The following ANKRD37 variants were observed in gnomAD, a reference collection of about 807,000 sequenced individuals.
ANKRD37 encodes ankyrin repeat domain-containing protein 37.
ANKRD37 carries 17 observed loss-of-function variants against 19.7 expected under a neutral mutation model. The ratio of observed to expected loss-of-function variants is 0.86; its 90% confidence interval spans 0.59 to 1.29. ANKRD37 has a LOEUF of 1.29. Ranked by LOEUF, ANKRD37 falls within the 50% of genes most tolerant of loss-of-function variation. The pLI, the probability that ANKRD37 is intolerant of heterozygous loss-of-function variation, is 0.00. For synonymous variants in ANKRD37, 79 were observed against 74.5 expected (o/e 1.06, Z -0.31); for missense variants, 207 against 190.4 (o/e 1.09, Z -0.51).
Position 185,399,891 on chromosome 4 carries a change from T to G in ANKRD37, c.476+118T>G. 4 of 1,541,720 alleles carry G rather than the reference T, an allele frequency of 2.6e-6. No individual in the cohort carries two copies. In the South Asian group the frequency reaches 4.9e-5, roughly 19 times the overall value. On this transcript the variant is annotated intron_variant, in intron 4 of 4. Transcript: ENST00000335174. ...TCTAGTAGTATTGTTTCATTCTCATTAACATTTTAGTACTGGTTATACTTA... is the reference window on the plus strand; with the variant it reads ...TCTAGTAGTATTGTTTCATTCTCATGAACATTTTAGTACTGGTTATACTTA...
intron 1 of ANKRD37, 85 bp downstream of exon 1, chr4:185,397,035 C>CCACT: frequency 6.2e-7 from 1 of 1,609,258 alleles, no homozygotes; most frequent in Non-Finnish European, 8.5e-7. Flanking sequence ...CGGGGACGGA[C>CCACT]CACTGGGCGC....
In ANKRD37 at chr4:185,398,963, C is replaced by CA. The variant is rs745965977; in HGVS notation, c.209dup (p.Ala71GlyfsTer17). Reference sequence around the variant, plus strand: ...ATGTTTTAGGAGAAGCTCCACTACACAAGGCAGCAAAAGTTGGAAGCCTGG... The same window carrying CA: ...ATGTTTTAGGAGAAGCTCCACTACACAAAGGCAGCAAAAGTTGGAAGCCTGG... On this transcript the variant is annotated frameshift_variant, in exon 3 of 5. Coordinates refer to ENST00000335174, the MANE Select transcript of ANKRD37 (RefSeq NM_181726.4). LOFTEE classifies it high-confidence loss of function. 4 of 1,613,724 alleles carry CA rather than the reference C, an allele frequency of 2.5e-6. No homozygotes were observed. The African/African-American group carries it at 5.3e-5, about 22-fold the overall frequency.
At chr4:185,400,549 C>CAGGCTCTGTCAGCAGGACCTTGGAATA, downstream of ANKRD37, 1 of 1,122,750 alleles carries the variant, frequency 8.9e-7, no homozygotes, top group Non-Finnish European at 1.3e-6. Context: ...ATCGTGACAT[C>CAGGCTCTGTCAGCAGGACCTTGGAATA]AGGCTCTGTC....
chr4:185,398,812 A>AT, intron 2 of ANKRD37, 125 bp from the exon 3 acceptor site: 1 of 520,724 alleles, frequency 1.9e-6, no homozygotes, highest in Non-Finnish European at 3.1e-6. Context: ...AAAAAAAAAA[A>AT]AATTCCCTGT....
intron 4 of ANKRD37, 103 bp from the exon 5 acceptor site, chr4:185,399,914 T>TTG: frequency 1.3e-6 from 2 of 1,541,234 alleles, no homozygotes; most frequent in East Asian, 4.7e-5. Context: ...CTGGTTATAC[T>TTG]TACCAGAGTC....
intron 1 of ANKRD37, 80 bp from the exon 2 acceptor site, chr4:185,397,070 G>C (rs1358904147): frequency 1.2e-6 from 2 of 1,609,820 alleles, no homozygotes; most frequent in East Asian, 2.2e-5. Context: ...TGGTTGTGAA[G>C]GGCGGGGAGG....
In ANKRD37 at chr4:185,400,143, C is replaced by G; in HGVS notation, c.*126C>G. ...CTGAGAAGGACGAAAAACTTTCTTCCAAGTGAAGATCCATTTAAGAACACA... is the reference window on the plus strand; with the variant it reads ...CTGAGAAGGACGAAAAACTTTCTTCGAAGTGAAGATCCATTTAAGAACACA... On this transcript the variant is annotated 3_prime_UTR_variant, in exon 5 of 5. Transcript: ENST00000335174. 4 of 907,272 alleles carry G rather than the reference C, an allele frequency of 4.4e-6. No individual in the cohort carries two copies. The highest frequency in any genetic ancestry group is 6.7e-6 in the Non-Finnish European group (4 of 594,094). 56.2% of individuals were successfully genotyped at this position (907,272 alleles called of 1,614,324 possible).
At chr4:185,396,995 C>G (rs779818036) in intron 1 of ANKRD37, 45 bp downstream of exon 1, 4 of 1,612,554 alleles carry the variant, frequency 2.5e-6, no homozygotes, top group South Asian at 1.1e-5. Context: ...CCTGCAGGCT[C>G]AAGCTTCTAG....
intron 3 of ANKRD37, among the ~76,000 whole-genome samples, chr4:185,399,286 A>G (rs1433592520): frequency 6.6e-6 from 1 of 152,164 alleles, no homozygotes; most frequent in Non-Finnish European, 1.5e-5. Flanking sequence ...TCGGTTCAGG[A>G]AAACCCATTC....
At chr4:185,398,133 T>A (rs2095507880) in intron 2 of ANKRD37, among the ~76,000 whole-genome samples, 1 of 152,002 alleles carries the variant, frequency 6.6e-6, no homozygotes, top group Non-Finnish European at 1.5e-5. Context: ...AATTTGTGTA[T>A]TTTTAGTAGA....
At position 185,398,976 on chromosome 4, in the gene ANKRD37, G is replaced by T. The variant is rs776633685; in HGVS notation, c.220G>T (p.Val74Phe). The T allele has an allele frequency of 6.2e-7, 1 of 1,613,766 alleles. No individual in the cohort carries two copies. ...GEAPLHKAAK[V>F]GSLECLSLLV... Reference sequence around the variant, plus strand: ...AGCTCCACTACACAAGGCAGCAAAAGTTGGAAGCCTGGAGTGCCTAAGCCT... The same window carrying T: ...AGCTCCACTACACAAGGCAGCAAAATTTGGAAGCCTGGAGTGCCTAAGCCT... Residue 74 changes from valine (V) to phenylalanine (F), a missense_variant, in exon 3 of 5, where the codon GTT (valine) becomes TTT (phenylalanine). Val to Phe is a conservative substitution (Grantham distance 50). Coordinates refer to ENST00000335174, the MANE Select transcript of ANKRD37 (RefSeq NM_181726.4).
intron 1 of ANKRD37, 54 bp downstream of exon 1, chr4:185,397,004 A>C: frequency 6.2e-7 from 1 of 1,611,726 alleles, no homozygotes; most frequent in Non-Finnish European, 8.5e-7. Flanking sequence ...TCAAGCTTCT[A>C]GATTCGTCTT....
At chr4:185,400,485 AGAG>A (rs1338692303), downstream of ANKRD37, 2 of 1,606,336 alleles carry the variant, frequency 1.2e-6, no homozygotes, top group African/African-American at 1.3e-5. Context: ...AGCCCTGGAT[AGAG>A]AAGACGGGAA....
At position 185,397,300 on chromosome 4, in the gene ANKRD37, C is replaced by CAGGTAACT; in HGVS notation, c.180+7_180+14dup. 43 of 1,613,614 alleles carry CAGGTAACT rather than the reference C, an allele frequency of 2.7e-5. No individual in the cohort carries two copies. The Admixed American group carries it at 5.7e-4, about 21-fold the overall frequency. On this transcript the variant is annotated frameshift_variant and splice_region_variant, in exon 2 of 5. Transcript: ENST00000335174. LOFTEE classifies it high-confidence loss of function. ...GCAAACGGGCGCTGACCTCAACCAGCAGGTAACTAGGTAACTGTTGCTGTG... is the reference window on the plus strand; with the variant it reads ...GCAAACGGGCGCTGACCTCAACCAGCAGGTAACTAGGTAACTAGGTAACTGTTGCTGTG...
In ANKRD37 at chr4:185,397,158, T is replaced by G. The variant is rs1407968274; in HGVS notation, c.36T>G (p.Gly12=). 4.3e-6 allele frequency: 7 copies of G among 1,613,304 alleles called. No homozygotes were observed. In the South Asian group the frequency reaches 6.6e-5, roughly 15 times the overall value. ...CTGTTCTCTTCCTGCAGGTGGATGG[T>G]CTGAAGCATTTGCTGGAGACAGGGG... The part of the protein sequence containing the change: ...LLLDCNPEVD[G]LKHLLETGAS... The change falls in exon 2 of 5, where the codon GGT becomes GGG. Residue 12 remains glycine, a synonymous_variant. Coordinates refer to ENST00000335174, the MANE Select transcript of ANKRD37 (RefSeq NM_181726.4).
In ANKRD37 at chr4:185,399,751, ACC is replaced by A; in HGVS notation, c.455_456del (p.Thr152LysfsTer13). On this transcript the variant is annotated frameshift_variant, in exon 4 of 5. Coordinates refer to ENST00000335174, the MANE Select transcript of ANKRD37 (RefSeq NM_181726.4). LOFTEE classifies it high-confidence loss of function. ...QKRSLGSVENTSGKRKC is the reference protein window; with the variant it reads ...QKRSLGSVENXSGKRKC ...ACGGAGTCTCGGAAGTGTAGAAAAT[ACC>A]AGTGGGAAAAGGAAGTGCTGGTAAG... 6.2e-7 allele frequency: 1 copy of A among 1,613,970 alleles called. No individual in the cohort carries two copies.
In ANKRD37 at chr4:185,398,953, C is replaced by T. The variant is rs1482217982; in HGVS notation, c.197C>T (p.Ala66Val). The T allele has an allele frequency of 1.2e-6, 2 of 1,613,652 alleles. No individual in the cohort carries two copies. The highest frequency in any genetic ancestry group is 2.2e-5 in the East Asian group (1 of 44,858). Residue 66 changes from alanine (A) to valine (V), a missense_variant, in exon 3 of 5, where the codon GCT becomes GTT. Ala to Val is a moderately conservative substitution (Grantham distance 64). Transcript: ENST00000335174. Reference protein sequence around the residue: ...DLNQQDVLGEAPLHKAAKVGS... With the variant: ...DLNQQDVLGEVPLHKAAKVGS... ...TACCTTAAGGATGTTTTAGGAGAAG[C>T]TCCACTACACAAGGCAGCAAAAGTT...
rs747741609 is a variant in ANKRD37 at position 185,399,759 on chromosome 4, GA to G, written c.466del (p.Arg156GlyfsTer73). ...SLGSVENTSG[K>X]RKC ...TCGGAAGTGTAGAAAATACCAGTGG[GA>G]AAAGGAAGTGCTGGTAAGTAACTCA... On this transcript the variant is annotated frameshift_variant, in exon 4 of 5. Transcript: ENST00000335174. LOFTEE classifies it high-confidence loss of function. The G allele has an allele frequency of 1.2e-6, 2 of 1,614,052 alleles. No homozygotes were observed. Among genetic ancestry groups the G allele is most frequent in the South Asian group, 2.2e-5 (2 of 91,060 alleles).
downstream of ANKRD37, chr4:185,400,353 A>G (rs200418126): frequency 1.3e-5 from 19 of 1,445,874 alleles, no homozygotes; most frequent in African/African-American, 1.7e-4. Flanking sequence ...TCACAAATTT[A>G]TAATACCACT....
Sources: allele counts gnomAD v4.1 joint callset (sites outside exome capture counted in the v4.1 genomes callset), GRCh38; gene constraint gnomAD v4.1.1; transcripts MANE v1.5; gene names NCBI Gene and HGNC (gene_info 2026-07-23, HGNC 2026-07-21).